Variants in PRDM16 observed in about 807,000 individuals in gnomAD.
PRDM16 encodes histone-lysine N-methyltransferase PRDM16.
Under a neutral mutation model 110.6 loss-of-function variants are expected in PRDM16, and 23 were observed. That is an observed-to-expected ratio of 0.21 (90% CI 0.15 to 0.29). The LOEUF is 0.29. PRDM16 is among the 10% of genes least tolerant of loss of function. PRDM16 has a pLI of 1.00. For missense variants in PRDM16, 1,615 were observed against 1,794.3 expected (o/e 0.90, Z 1.81); for synonymous variants, 799 against 781.8 (o/e 1.02, Z -0.37).
In PRDM16 at chr1:3,412,257, G is replaced by C. The variant is rs876657959; in HGVS notation, c.2060G>C (p.Gly687Ala). 2 of 1,612,248 alleles carry C rather than the reference G, an allele frequency of 1.2e-6. No individual in the cohort carries two copies. Among genetic ancestry groups the C allele is most frequent in the African/African-American group, 2.7e-5 (2 of 74,912 alleles). ...GACGAGCAGCTGCTGACTGCAACGG[G>C]CGCCGCCGGGGACTCCATCAAGGCC... ...PPDEQLLTAT[G>A]AAGDSIKAIA... The change falls in exon 9 of 17, where the codon GGC becomes GCC. Residue 687 changes from glycine (G) to alanine (A), a missense_variant. Gly to Ala is a moderately conservative substitution (Grantham distance 60, BLOSUM62 0). This residue lies in a region of PRDM16 where 772 missense variants were observed against 748.3 expected (regional missense o/e 1.03). Transcript: ENST00000270722.
chr1:3,194,393 C>T (rs550313760), intron 2 of PRDM16, among the ~76,000 whole-genome samples: 4 of 152,280 alleles, frequency 2.6e-5, no homozygotes, highest in South Asian at 2.1e-4. Flanking sequence ...GGGCAGCCGG[C>T]GCTCATTGGC....
intron 9 of PRDM16, among the ~76,000 whole-genome samples, chr1:3,414,354 T>C (rs978961263): frequency 6.6e-6 from 1 of 152,024 alleles, no homozygotes; most frequent in Non-Finnish European, 1.5e-5. Context: ...AGGGTCCGTC[T>C]AGGGGTGCAG....
intron 3 of PRDM16, among the ~76,000 whole-genome samples, chr1:3,329,515 T>G (rs539380073): frequency 6.6e-6 from 1 of 152,230 alleles, no homozygotes; most frequent in East Asian, 1.9e-4. Flanking sequence ...ACTTAGTAAC[T>G]TAACAGGAGG....
chr1:3,342,746 A>G (rs1642296634), intron 3 of PRDM16, among the ~76,000 whole-genome samples: 1 of 152,184 alleles, frequency 6.6e-6, no homozygotes, highest in African/African-American at 2.4e-5. Context: ...CGCATAAGGC[A>G]CTGTTTTGTA....
rs533270874 is a variant in PRDM16, at chr1:3,163,638, G to A, written c.38-22487G>A. On this transcript the variant is annotated intron_variant, in intron 1 of 16. Coordinates refer to ENST00000270722, the MANE Select transcript of PRDM16 (RefSeq NM_022114.4). ...GTCTGGGATCAGCTGTGGGCGGGGC[G>A]GTCCTTTGGAGGCTCTGAGAACCCT... Among the ~76,000 whole-genome samples the A allele has an allele frequency of 3.3e-5, 5 of 151,760 alleles. No homozygotes were observed. In the South Asian group the frequency reaches 8.3e-4, roughly 25 times the overall value.
Position 3,244,686 on chromosome 1 carries a change from C to G in PRDM16, c.438+549C>G, listed in dbSNP as rs1639748599. On this transcript the variant is annotated intron_variant, in intron 3 of 16. Transcript: ENST00000270722. The surrounding 1 kb of genome is among the most constrained non-coding windows in gnomAD (Gnocchi z 4.1). ...AACGGCTGGTGGACAAACATTAGGT[C>G]TAACAGATCCAGAGGGAGAACCATG... 6.6e-6 allele frequency among the ~76,000 whole-genome samples: 1 copy of G among 152,096 alleles called. No homozygotes were observed. The highest frequency in any genetic ancestry group is 1.5e-5 in the Non-Finnish European group (1 of 68,030).
intron 1 of PRDM16, among the ~76,000 whole-genome samples, chr1:3,108,052 A>G (rs1358867123): frequency 2.0e-5 from 3 of 152,240 alleles, no homozygotes; most frequent in African/African-American, 7.2e-5. Flanking sequence ...TCCTTTCTCC[A>G]GACAAACCTT....
In PRDM16 at chr1:3,224,610, G is replaced by A. The variant is rs542920534; in HGVS notation, c.388-19477G>A. On this transcript the variant is annotated intron_variant, in intron 2 of 16. Transcript: ENST00000270722. ...CCTTAGAGAAGAGAAAACGTGCTCC[G>A]GTCTGACTTGTCTTAAACCTGCAGA... 3.9e-4 allele frequency among the ~76,000 whole-genome samples: 59 copies of A among 152,320 alleles called. 1 individual carries two copies. The South Asian group carries it at 7.7e-3, about 20-fold the overall frequency.
intron 1 of PRDM16, among the ~76,000 whole-genome samples, chr1:3,106,914 T>C (rs1642671019): frequency 6.6e-6 from 1 of 152,140 alleles, no homozygotes; most frequent in African/African-American, 2.4e-5. Flanking sequence ...CAACAGCGCC[T>C]GGGGCCAACA....
At chr1:3,070,750 G>A (rs1343069314) in intron 1 of PRDM16, among the ~76,000 whole-genome samples, 1 of 152,100 alleles carries the variant, frequency 6.6e-6, no homozygotes, top group Non-Finnish European at 1.5e-5. Context: ...CGCCCGGCTC[G>A]TCCCAACAGC....
chr1:3,126,945 A>T (rs1643221675), intron 1 of PRDM16, among the ~76,000 whole-genome samples: 1 of 152,142 alleles, frequency 6.6e-6, no homozygotes, highest in Admixed American at 6.5e-5. Flanking sequence ...CTCAGCTGGG[A>T]GGCCCCTCGA....
rs145755286 is a variant in PRDM16 at position 3,213,371 on chromosome 1, G to A, written c.387+26897G>A. ...CTATTTTGCTGGGGAGAGGGGTGTG[G>A]GGGCGGGATGGCGGGTCCTGGGCGT... On this transcript the variant is annotated intron_variant, in intron 2 of 16. Coordinates refer to ENST00000270722, the MANE Select transcript of PRDM16 (RefSeq NM_022114.4). This position sits in a 1 kb window ranked among gnomAD's most constrained non-coding sequence, Gnocchi z 5.3. 6.6e-6 allele frequency among the ~76,000 whole-genome samples: 1 copy of A among 152,242 alleles called. No individual in the cohort carries two copies. Among genetic ancestry groups the A allele is most frequent in the African/African-American group, 2.4e-5 (1 of 41,552 alleles).
chr1:3,431,948 C>T lies in PRDM16; in HGVS notation c.3522-18C>T, dbSNP rs749050702. 11 of 1,607,246 alleles carry T rather than the reference C, an allele frequency of 6.8e-6. No individual in the cohort carries two copies. In the South Asian group the frequency reaches 9.9e-5, roughly 15 times the overall value. On this transcript the variant is annotated intron_variant, in intron 15 of 16. Coordinates refer to ENST00000270722, the MANE Select transcript of PRDM16 (RefSeq NM_022114.4). The stretch of plus-strand genomic sequence containing the variant: ...GCTGCTGACAGCAGGCCTTCCCTCT[C>T]CCCGGTCATTGGTGCAGGTGTGCTG...
intron 1 of PRDM16, among the ~76,000 whole-genome samples, chr1:3,153,425 G>A (rs533081343): frequency 3.5e-4 from 53 of 152,340 alleles, no homozygotes; most frequent in African/African-American, 1.1e-3. Flanking sequence ...GTCCATGTGC[G>A]GCTAGACAGG....
intron 3 of PRDM16, among the ~76,000 whole-genome samples, chr1:3,342,670 G>A (rs1384349517): frequency 1.3e-5 from 2 of 152,198 alleles, no homozygotes; most frequent in Admixed American, 6.5e-5. Flanking sequence ...ATGGCCAGCC[G>A]CTGTTCTGAT....
Position 3,436,199 on chromosome 1 carries a change from CTTT to C in PRDM16, c.*2398_*2400del, listed in dbSNP as rs35439737. On this transcript the variant is annotated 3_prime_UTR_variant, in exon 17 of 17. Coordinates refer to ENST00000270722, the MANE Select transcript of PRDM16 (RefSeq NM_022114.4). ...CTTCTGCGAAAGAGTAAGGTGTGTG[CTTT>C]TTTTTTTTTGCAATATGACCCCGTC... The C allele has an allele frequency of 4.3e-4, 89 of 207,596 alleles. No individual in the cohort carries two copies. The highest frequency in any genetic ancestry group is 3.0e-3 in the Middle Eastern group (2 of 656). 12.9% of individuals were successfully genotyped at this position (207,596 alleles called of 1,614,324 possible). A position where few individuals can be genotyped will look rare whatever the true frequency, so the allele number is the denominator to read the frequency against.
At chr1:3,392,402 A>G (rs1162552704) in intron 4 of PRDM16, among the ~76,000 whole-genome samples, 1 of 152,208 alleles carries the variant, frequency 6.6e-6, no homozygotes, top group Non-Finnish European at 1.5e-5. Flanking sequence ...CGCTTGATGG[A>G]AAAAATTCAT....
At chr1:3,186,610 A>T (rs1382270722) in intron 2 of PRDM16, 136 bp downstream of exon 2, 1 of 609,320 alleles carries the variant, frequency 1.6e-6, no homozygotes, top group Non-Finnish European at 2.8e-6. Flanking sequence ...CACATTTCCC[A>T]GCCTATTTTA....
At chr1:3,256,806 G>A (rs559210838) in intron 3 of PRDM16, among the ~76,000 whole-genome samples, 7 of 152,240 alleles carry the variant, frequency 4.6e-5, no homozygotes, top group Non-Finnish European at 7.4e-5. Context: ...GCAGTGAGCC[G>A]AGATGGCACC....
Sources: allele counts gnomAD v4.1 joint callset (sites outside exome capture counted in the v4.1 genomes callset), GRCh38; gene constraint gnomAD v4.1.1; regional missense constraint gnomAD v4.1.1; non-coding constraint Gnocchi (gnomAD v3.1); transcripts MANE v1.5; gene names NCBI Gene and HGNC (gene_info 2026-07-23, HGNC 2026-07-21).